AHCY: variants seen among roughly 807,000 people sequenced by gnomAD.
AHCY encodes the protein adenosylhomocysteinase.
A neutral mutation model predicts 45.4 loss-of-function variants in AHCY; 24 were observed. The observed-to-expected ratio is 0.53, with a 90% CI of 0.38 to 0.74. The LOEUF (loss-of-function observed/expected upper bound fraction) is 0.74. Ranked by LOEUF, AHCY falls within the 30% of genes least tolerant of loss-of-function variation. AHCY has a pLI of 0.00. For synonymous variants in AHCY, 245 were observed against 235.1 expected, an observed-to-expected ratio of 1.04 and a Z score of -0.39; for missense variants, 449 against 594.1, an observed-to-expected ratio of 0.76 and a Z score of 2.54.
At chr20:34,256,451 C>T in the AHCY span, among the ~76,000 whole-genome samples, 1 of 152,172 alleles carries the variant, frequency 6.6e-6, no homozygotes, top group East Asian at 1.9e-4. Flanking sequence ...GGGCTGGACC[C>T]GATAACACCC....
At chr20:34,264,644 T>G in the AHCY span, among the ~76,000 whole-genome samples, 1 of 152,116 alleles carries the variant, frequency 6.6e-6, no homozygotes, top group African/African-American at 2.4e-5. Context: ...AGACAATACA[T>G]CTTGTAAACA....
At chr20:34,255,566 T>C in the AHCY span, among the ~76,000 whole-genome samples, 2 of 152,308 alleles carry the variant, frequency 1.3e-5, no homozygotes, top group African/African-American at 2.4e-5. Context: ...AAATAGATTA[T>C]AGATGTGATT....
chr20:34,287,333 T>G (rs1601648365), intron 8 of AHCY, among the ~76,000 whole-genome samples: 1 of 152,038 alleles, frequency 6.6e-6, no homozygotes. Context: ...AGTGTGGGCA[T>G]TGCCTCTGCC....
chr20:34,263,906 G>A, the AHCY span, among the ~76,000 whole-genome samples: 1 of 151,894 alleles, frequency 6.6e-6, no homozygotes, highest in African/African-American at 2.4e-5. Context: ...CCTGACCTCA[G>A]GTGATCCACC....
chr20:34,295,108 CTAAG>C, intron 2 of AHCY: 1 of 523,122 alleles, frequency 1.9e-6, no homozygotes, highest in Non-Finnish European at 3.5e-6. Context: ...CCTTAAGAGA[CTAAG>C]TAGGACATGG....
chr20:34,235,868 A>AAGGAG, the AHCY span, among the ~76,000 whole-genome samples: 1 of 26,614 alleles, frequency 3.8e-5, no homozygotes, highest in East Asian at 1.2e-3. Context: ...AAGGAAGGAA[A>AAGGAG]GGAAGGAAGG....
At chr20:34,301,925 A>G (rs968596248) in intron 1 of AHCY, 1 of 985,252 alleles carries the variant, frequency 1.0e-6, no homozygotes, top group Non-Finnish European at 1.2e-6. Context: ...GTGTAAACAC[A>G]CGTAAATCAC....
At chr20:34,243,427 T>C in the AHCY span, among the ~76,000 whole-genome samples, 1 of 152,188 alleles carries the variant, frequency 6.6e-6, no homozygotes, top group Non-Finnish European at 1.5e-5. Flanking sequence ...GCCCAAGAGA[T>C]CAAATAATTT....
chr20:34,240,842 C>T, the AHCY span, among the ~76,000 whole-genome samples: 4 of 152,148 alleles, frequency 2.6e-5, no homozygotes, highest in African/African-American at 9.7e-5. Flanking sequence ...ACCTCAATGT[C>T]AACATCAATT....
At chr20:34,275,352 G>A (rs73610829), downstream of AHCY, among the ~76,000 whole-genome samples, 38 of 151,930 alleles carry the variant, frequency 2.5e-4, no homozygotes, top group East Asian at 6.1e-3. Context: ...GGCTGGTCTC[G>A]AACTCCTGAC....
chr20:34,244,914 A>G, the AHCY span, among the ~76,000 whole-genome samples: 8 of 152,346 alleles, frequency 5.3e-5, no homozygotes, highest in East Asian at 1.5e-3. Flanking sequence ...AAGCAAGGAG[A>G]CGTATTACTG....
Position 34,294,170 on chromosome 20 carries a change from C to T in AHCY, c.220-14G>A. 6.2e-7 allele frequency: 1 copy of T among 1,612,072 alleles called. No individual in the cohort carries two copies. The stretch of plus-strand genomic sequence containing the variant: ...GGACCACTGCACCTAGAAGAGCCAT[C>T]AAAACAAGGCTGTTGGTCACTGATG... On this transcript the variant is annotated splice_polypyrimidine_tract_variant and intron_variant, in intron 2 of 9. Coordinates refer to ENST00000217426, the MANE Select transcript of AHCY (RefSeq NM_000687.4).
the AHCY span, among the ~76,000 whole-genome samples, chr20:34,272,695 TGGTCAACA>T: frequency 6.6e-6 from 1 of 152,144 alleles, no homozygotes; most frequent in Non-Finnish European, 1.5e-5. Flanking sequence ...AAGACCAGCT[TGGTCAACA>T]GAGTGAGACC....
intron 1 of AHCY, among the ~76,000 whole-genome samples, chr20:34,297,347 A>T (rs1256168062): frequency 6.6e-6 from 1 of 151,944 alleles, no homozygotes; most frequent in Non-Finnish European, 1.5e-5. Context: ...GCTGGGGTGC[A>T]GTGGCGCGAT....
At chr20:34,302,059 G>T in intron 1 of AHCY, 1 of 905,452 alleles carries the variant, frequency 1.1e-6, no homozygotes, top group Non-Finnish European at 1.3e-6. Flanking sequence ...GGAGCGTGGT[G>T]GTGCAATCTC....
In AHCY at chr20:34,303,344, C is replaced by G. The variant is rs2036848808; in HGVS notation, c.-74G>C. On this transcript the variant is annotated 5_prime_UTR_variant, in exon 1 of 10. Coordinates refer to ENST00000217426, the MANE Select transcript of AHCY (RefSeq NM_000687.4). ...CTGGGAACAGGAACTGGGCGGGCAG[C>G]GCCGAGCAGGGATATGCGCGTGGCG... 5.2e-6 allele frequency: 8 copies of G among 1,545,436 alleles called. No individual in the cohort carries two copies. The highest frequency in any genetic ancestry group is 2.0e-5 in the Admixed American group (1 of 51,000).
intron 1 of AHCY, chr20:34,302,466 G>GT (rs1158915386): frequency 1.3e-5 from 5 of 399,024 alleles, no homozygotes; most frequent in East Asian, 1.6e-4. Context: ...ACCACCAGCT[G>GT]TAAGACTGAG....
chr20:34,268,166 C>T, the AHCY span, among the ~76,000 whole-genome samples: 1 of 152,134 alleles, frequency 6.6e-6, no homozygotes. Context: ...ACACATTTCA[C>T]GTACTCAGTA....
intron 8 of AHCY, among the ~76,000 whole-genome samples, chr20:34,287,024 A>C (rs994700073): frequency 6.6e-6 from 1 of 151,784 alleles, no homozygotes; most frequent in African/African-American, 2.4e-5. Flanking sequence ...CTGAACACAC[A>C]AACTTGCTTT....
Sources: gnomAD v4.1 joint callset for allele counts (sites outside exome capture counted in the v4.1 genomes callset) on GRCh38, gnomAD v4.1.1 for gene constraint, MANE v1.5 for transcripts, NCBI Gene and HGNC (gene_info 2026-07-23, HGNC 2026-07-21) for gene names.